CACNB2: variants seen among roughly 807,000 people sequenced by gnomAD.
CACNB2 encodes the protein calcium voltage-gated channel auxiliary subunit beta 2.
Under a neutral mutation model 73.3 loss-of-function variants are expected in CACNB2, and 42 were observed. The observed-to-expected ratio is 0.57, with a 90% CI of 0.45 to 0.74. The LOEUF is 0.74. CACNB2 is among the 30% of genes least tolerant of loss of function. The pLI, the probability that CACNB2 is intolerant of heterozygous loss-of-function variation, is 0.00. For synonymous variants in CACNB2, 348 were observed against 310.3 expected, an observed-to-expected ratio of 1.12 and a Z score of -1.28; for missense variants, 940 against 853.0, an observed-to-expected ratio of 1.10 and a Z score of -1.27.
At chr10:18,517,855 A>C (rs2051435736) in intron 7 of CACNB2, among the ~76,000 whole-genome samples, 1 of 152,238 alleles carries the variant, frequency 6.6e-6, no homozygotes, top group East Asian at 1.9e-4. Context: ...ATATTTTGAA[A>C]TGAGGTTTTA....
At chr10:18,456,341 T>C (rs1039950357) in intron 3 of CACNB2, among the ~76,000 whole-genome samples, 1 of 152,006 alleles carries the variant, frequency 6.6e-6, no homozygotes, top group African/African-American at 2.4e-5. Flanking sequence ...TACACACCTG[T>C]AATCCCAGCT....
intron 2 of CACNB2, among the ~76,000 whole-genome samples, chr10:18,182,497 A>G (rs1052687467): frequency 2.6e-4 from 39 of 150,894 alleles, no homozygotes; most frequent in Non-Finnish European, 5.3e-4. Context: ...TTGAAAAAGG[A>G]AAAGCATTTC....
chr10:18,407,680 G>C (rs1284382013), intron 3 of CACNB2, among the ~76,000 whole-genome samples: 4 of 151,930 alleles, frequency 2.6e-5, no homozygotes, highest in Non-Finnish European at 1.5e-5. Flanking sequence ...TATTTGATTT[G>C]AGCCTCTGTG....
chr10:18,219,158 C>T (rs896314424), intron 2 of CACNB2, among the ~76,000 whole-genome samples: 1 of 150,180 alleles, frequency 6.7e-6, no homozygotes, highest in Non-Finnish European at 1.5e-5. Flanking sequence ...GAGCAAGACC[C>T]TGTCTCAAAG....
chr10:18,522,013 C>A (rs917603645), intron 9 of CACNB2, among the ~76,000 whole-genome samples: 11 of 152,148 alleles, frequency 7.2e-5, no homozygotes, highest in African/African-American at 2.4e-4. Context: ...CTCCTCATCA[C>A]TCACACATTA....
intron 2 of CACNB2, among the ~76,000 whole-genome samples, chr10:18,159,669 T>C (rs2032315748): frequency 6.6e-6 from 1 of 152,190 alleles, no homozygotes; most frequent in Non-Finnish European, 1.5e-5. Context: ...TAAATGCAAA[T>C]GATTAATCAC....
intron 2 of CACNB2, chr10:18,401,021 CT>C: frequency 6.2e-7 from 1 of 1,614,090 alleles, no homozygotes; most frequent in South Asian, 1.1e-5. Context: ...GATAAAGGCG[CT>C]GTCTGGCTCA....
rs545599132 is a variant in CACNB2 at position 18,432,002 on chromosome 10, A to G, written c.333+29959A>G. ...CTGGTCTCGAACTCCTGACCTCGTG[A>G]TCCGCCTGCCTTAGTCTCCCAAAGA... On this transcript the variant is annotated intron_variant, in intron 3 of 13. Coordinates refer to ENST00000324631, the MANE Select transcript of CACNB2 (RefSeq NM_201596.3). Among the ~76,000 whole-genome samples the G allele has an allele frequency of 2.0e-5, 3 of 152,254 alleles. No individual in the cohort carries two copies. The East Asian group carries it at 5.8e-4, about 29-fold the overall frequency.
At chr10:18,365,879 G>A (rs1286535174) in intron 2 of CACNB2, among the ~76,000 whole-genome samples, 1 of 152,146 alleles carries the variant, frequency 6.6e-6, no homozygotes, top group African/African-American at 2.4e-5. Context: ...GAAATGTATA[G>A]AACTATCTTT....
chr10:18,327,262 G>GT (rs35598895), intron 2 of CACNB2, among the ~76,000 whole-genome samples: 2 of 152,006 alleles, frequency 1.3e-5, no homozygotes, highest in African/African-American at 2.4e-5. Context: ...TAAAGAACAT[G>GT]TTTTTTGTAA....
chr10:18,408,760 A>G (rs1238615519), intron 3 of CACNB2, among the ~76,000 whole-genome samples: 2 of 152,316 alleles, frequency 1.3e-5, no homozygotes. Flanking sequence ...CCAAAATTGT[A>G]GTATAAAAGG....
At chr10:18,252,478 A>G (rs1043876604) in intron 2 of CACNB2, among the ~76,000 whole-genome samples, 8 of 152,164 alleles carry the variant, frequency 5.3e-5, no homozygotes, top group Admixed American at 2.0e-4. Context: ...TACTTCCATT[A>G]TTATGGGATG....
intron 2 of CACNB2, among the ~76,000 whole-genome samples, chr10:18,314,652 C>G (rs1183699242): frequency 6.6e-6 from 1 of 152,040 alleles, no homozygotes; most frequent in Non-Finnish European, 1.5e-5. Flanking sequence ...CCCTCAGTTA[C>G]CATTCAAAAA....
intron 2 of CACNB2, among the ~76,000 whole-genome samples, chr10:18,262,711 A>C (rs886438807): frequency 6.6e-6 from 1 of 152,160 alleles, no homozygotes; most frequent in Admixed American, 6.5e-5. Context: ...GAAGAGTGAG[A>C]ATTTCTTAGC....
intron 2 of CACNB2, among the ~76,000 whole-genome samples, chr10:18,155,517 GCACATTCTTATGTGCTCCTTTCATA>G (rs1478851677): frequency 3.9e-5 from 6 of 152,298 alleles, no homozygotes; most frequent in African/African-American, 1.4e-4. Flanking sequence ...ATGTTCCTAT[GCACATTCTTATGTGCTCCTTTCATA>G]CACATATGTA....
At chr10:18,514,980 G>A (rs1052092149) in intron 7 of CACNB2, 70 of 1,612,242 alleles carry the variant, frequency 4.3e-5, no homozygotes, top group Non-Finnish European at 5.8e-5. Flanking sequence ...AATCCACTAG[G>A]TGCAAAATCT....
intron 3 of CACNB2, among the ~76,000 whole-genome samples, chr10:18,496,844 GA>G (rs1057212423): frequency 6.8e-5 from 9 of 131,916 alleles, no homozygotes; most frequent in East Asian, 2.1e-4. Flanking sequence ...AGGAAAAAAA[GA>G]AAAAAAAAGT....
intron 2 of CACNB2, among the ~76,000 whole-genome samples, chr10:18,255,437 T>C (rs2037244482): frequency 6.6e-6 from 1 of 152,224 alleles, no homozygotes; most frequent in Non-Finnish European, 1.5e-5. Flanking sequence ...CATAGTATTC[T>C]GTACATTCAT....
chr10:18,496,763 G>A (rs1269164181), intron 3 of CACNB2, among the ~76,000 whole-genome samples: 1 of 127,258 alleles, frequency 7.9e-6, no homozygotes, highest in Non-Finnish European at 1.5e-5. Flanking sequence ...GCAATGAGCC[G>A]AGATCATGCC....
Sources: allele counts gnomAD v4.1 joint callset (sites outside exome capture counted in the v4.1 genomes callset), GRCh38; gene constraint gnomAD v4.1.1; transcripts MANE v1.5; gene names NCBI Gene and HGNC (gene_info 2026-07-23, HGNC 2026-07-21).